The following ZNF782 variants were observed in gnomAD, a reference collection of about 807,000 sequenced individuals.
ZNF782 encodes the protein zinc finger protein 782.
A neutral mutation model predicts 13.0 loss-of-function variants in ZNF782; 12 were observed. The observed-to-expected ratio is 0.92, with a 90% CI of 0.59 to 1.50. The LOEUF (loss-of-function observed/expected upper bound fraction) is 1.50. ZNF782 is among the 40% of genes most tolerant of loss of function. The pLI is 0.00. For missense variants in ZNF782, 770 were observed against 822.9 expected (o/e 0.94, Z 0.79); for synonymous variants, 284 against 283.0 (o/e 1.00, Z -0.04).
intron 3 of ZNF782, chr9:96,860,209 G>A (rs1247183438): frequency 1.3e-5 from 2 of 152,328 alleles, no homozygotes; most frequent in East Asian, 3.9e-4. Flanking sequence ...CTGCACTGAA[G>A]GGAAGGACAG....
intron 4 of ZNF782, among the ~76,000 whole-genome samples, chr9:96,844,591 G>A (rs1054206047): frequency 6.6e-6 from 1 of 152,162 alleles, no homozygotes; most frequent in East Asian, 1.9e-4. Flanking sequence ...AAGGGATGGA[G>A]GGAGGGGACT....
chr9:96,885,231 T>A, the ZNF782 span, among the ~76,000 whole-genome samples: 1 of 151,998 alleles, frequency 6.6e-6, no homozygotes, highest in African/African-American at 2.4e-5. Context: ...TATCAAATGC[T>A]TCAACAAGCA....
chr9:96,846,756 A>G (rs1177421161), intron 3 of ZNF782, among the ~76,000 whole-genome samples: 1 of 152,224 alleles, frequency 6.6e-6, no homozygotes, highest in Non-Finnish European at 1.5e-5. Flanking sequence ...GGAAACTTCA[A>G]TAGACCACTG....
chr9:96,910,706 G>C, the ZNF782 span, among the ~76,000 whole-genome samples: 6 of 148,128 alleles, frequency 4.1e-5, no homozygotes, highest in East Asian at 2.0e-4. Context: ...GTGCGATCTC[G>C]GCTCACTGCA....
chr9:96,925,380 G>GT, the ZNF782 span, among the ~76,000 whole-genome samples: 1 of 152,130 alleles, frequency 6.6e-6, no homozygotes, highest in Non-Finnish European at 1.5e-5. Context: ...GCTCACGCCT[G>GT]TAATCCCAGC....
At chr9:96,923,997 G>A in the ZNF782 span, among the ~76,000 whole-genome samples, 1 of 151,858 alleles carries the variant, frequency 6.6e-6, no homozygotes, top group Non-Finnish European at 1.5e-5. Context: ...CACCACGCCT[G>A]GCTAATTTTT....
At chr9:96,871,363 A>G (rs1331317472) in intron 1 of ZNF782, among the ~76,000 whole-genome samples, 1 of 152,020 alleles carries the variant, frequency 6.6e-6, no homozygotes, top group East Asian at 1.9e-4. Context: ...GCACAGTCAT[A>G]GCATACCACA....
At chr9:96,930,832 G>A in the ZNF782 span, among the ~76,000 whole-genome samples, 1 of 146,686 alleles carries the variant, frequency 6.8e-6, no homozygotes, top group South Asian at 2.2e-4. Flanking sequence ...TTATCTTCAG[G>A]GTTCCTAGGG....
the ZNF782 span, chr9:96,891,955 C>G: frequency 6.6e-6 from 1 of 152,184 alleles, no homozygotes; most frequent in African/African-American, 2.4e-5. Context: ...TACTGTTTCT[C>G]TATGTGGACG....
intron 4 of ZNF782, among the ~76,000 whole-genome samples, chr9:96,840,647 C>T (rs944579991): frequency 3.4e-4 from 52 of 151,980 alleles, no homozygotes; most frequent in African/African-American, 1.2e-3. Context: ...TGCATTTCTT[C>T]ATACAGTCTC....
At chr9:96,924,735 G>A in the ZNF782 span, among the ~76,000 whole-genome samples, 2 of 152,190 alleles carry the variant, frequency 1.3e-5, no homozygotes, top group Non-Finnish European at 2.9e-5. Context: ...AATGCATCAC[G>A]GTTTCAACTG....
the ZNF782 span, among the ~76,000 whole-genome samples, chr9:96,883,511 G>A: frequency 6.6e-6 from 1 of 152,088 alleles, no homozygotes; most frequent in Non-Finnish European, 1.5e-5. Flanking sequence ...GTGACAGAGA[G>A]AGAAGGTTTA....
rs779635458 is a variant in ZNF782 at position 96,819,152 on chromosome 9, C to A, written c.871G>T (p.Gly291Trp). Reference sequence around the variant, plus strand: ...TGTGACTTTTGGCTGAAGGATTTCCCTCCTGTGAGAGTTTTGTGAGTGATT... The same window carrying A: ...TGTGACTTTTGGCTGAAGGATTTCCATCCTGTGAGAGTTTTGTGAGTGATT... Reference protein sequence around the residue: ...CRITHKTLTGGKSFSQKSHIR... With the variant: ...CRITHKTLTGWKSFSQKSHIR... The change falls in exon 6 of 6, where the codon GGG becomes TGG. Residue 291 changes from glycine (G) to tryptophan (W), a missense_variant. By Grantham distance (184) the Gly-to-Trp change is radical (BLOSUM62 -2). Coordinates refer to ENST00000481138, the MANE Select transcript of ZNF782 (RefSeq NM_001001662.3). 11 of 1,613,552 alleles carry A rather than the reference C, an allele frequency of 6.8e-6. No individual in the cohort carries two copies. In the East Asian group the frequency reaches 2.5e-4, roughly 36 times the overall value.
At chr9:96,898,206 A>G in the ZNF782 span, 2 of 149,520 alleles carry the variant, frequency 1.3e-5, no homozygotes, top group African/African-American at 2.5e-5. Context: ...GGCATTTAGT[A>G]TCTTCACAAG....
chr9:96,841,246 AT>A (rs1238483982), intron 4 of ZNF782, among the ~76,000 whole-genome samples: 1 of 151,994 alleles, frequency 6.6e-6, no homozygotes, highest in Non-Finnish European at 1.5e-5. Context: ...AAATAAATTG[AT>A]TTGTAAAACT....
chr9:96,910,665 C>T, the ZNF782 span, among the ~76,000 whole-genome samples: 2 of 150,908 alleles, frequency 1.3e-5, no homozygotes, highest in Admixed American at 1.3e-4. Context: ...GAGGCAGAGT[C>T]TTGCTCTGTC....
At chr9:96,907,881 T>TC in the ZNF782 span, among the ~76,000 whole-genome samples, 3 of 151,822 alleles carry the variant, frequency 2.0e-5, no homozygotes, top group Non-Finnish European at 2.9e-5. Context: ...CCTCAGGTGA[T>TC]CTGCCCACCT....
intron 2 of ZNF782, 122 bp from the exon 3 acceptor site, chr9:96,852,127 G>A (rs1851507818): frequency 1.6e-6 from 1 of 630,078 alleles, no homozygotes; most frequent in South Asian, 2.0e-5. Flanking sequence ...GGCCCTTCAG[G>A]CCTTGAAAAG....
chr9:96,867,107 T>A (rs1564016066), intron 1 of ZNF782, among the ~76,000 whole-genome samples: 1 of 152,170 alleles, frequency 6.6e-6, no homozygotes, highest in Non-Finnish European at 1.5e-5. Flanking sequence ...AAGGCATGAT[T>A]GGTTTTGAAA....
Sources: allele counts gnomAD v4.1 joint callset (sites outside exome capture counted in the v4.1 genomes callset), GRCh38; gene constraint gnomAD v4.1.1; transcripts MANE v1.5; gene names NCBI Gene and HGNC (gene_info 2026-07-23, HGNC 2026-07-21).